Variants in EPB41L3 observed in about 807,000 individuals in gnomAD.
The protein encoded by EPB41L3 is erythrocyte membrane protein band 4.1 like 3, also known as band 4.1-like protein 3.
A neutral mutation model predicts 127.1 loss-of-function variants in EPB41L3; 57 were observed. The observed-to-expected ratio is 0.45, with a 90% CI of 0.36 to 0.56. The LOEUF is 0.56. Ranked by LOEUF, EPB41L3 falls within the 20% of genes least tolerant of loss-of-function variation. The probability of loss-of-function intolerance (pLI) is 0.00; values close to 1 mark genes in which losing one functional copy is unlikely to be tolerated. For missense variants in EPB41L3, 1,273 were observed against 1,372.2 expected (o/e 0.93, Z 1.14); for synonymous variants, 572 against 549.5 (o/e 1.04, Z -0.57).
chr18:5,594,593 T>A (rs375697242), intron 3 of EPB41L3, among the ~76,000 whole-genome samples: 17 of 152,222 alleles, frequency 1.1e-4, no homozygotes, highest in African/African-American at 3.4e-4. Flanking sequence ...AGATTGTGTA[T>A]CTTCCAGCTT....
intron 3 of EPB41L3, among the ~76,000 whole-genome samples, chr18:5,604,465 C>CT (rs763224947): frequency 5.8e-4 from 88 of 151,868 alleles, no homozygotes; most frequent in East Asian, 5.2e-3. Flanking sequence ...ATTTCTTTCT[C>CT]TTTTTTTTGA....
intron 11 of EPB41L3, 27 bp downstream of exon 11, chr18:5,423,351 T>A (rs760604859): frequency 6.3e-7 from 1 of 1,578,496 alleles, no homozygotes; most frequent in Middle Eastern, 1.7e-4. Flanking sequence ...GGTACTAGGT[T>A]ATTAAGGGCC....
intron 16 of EPB41L3, chr18:5,398,500 C>T (rs1245493053): frequency 5.0e-6 from 2 of 402,236 alleles, no homozygotes; most frequent in African/African-American, 4.1e-5. Flanking sequence ...ATTGATTTAA[C>T]CATGAAAAAA....
intron 3 of EPB41L3, among the ~76,000 whole-genome samples, chr18:5,585,981 AC>A: frequency 6.6e-6 from 1 of 151,670 alleles, no homozygotes; most frequent in Non-Finnish European, 1.5e-5. Flanking sequence ...TAACACTATT[AC>A]CTCCCCTTAC....
At chr18:5,448,868 G>T (rs1244093345) in intron 3 of EPB41L3, among the ~76,000 whole-genome samples, 1 of 152,154 alleles carries the variant, frequency 6.6e-6, no homozygotes, top group Non-Finnish European at 1.5e-5. Flanking sequence ...TGGACATACT[G>T]AGTCCAACAA....
At chr18:5,398,812 G>A (rs765113069) in intron 16 of EPB41L3, 93 of 399,324 alleles carry the variant, frequency 2.3e-4, no homozygotes, top group Admixed American at 7.9e-4. Context: ...TTGCTGAAGC[G>A]TCTGCCTTCC....
At chr18:5,562,434 A>G (rs2094146184) in intron 3 of EPB41L3, among the ~76,000 whole-genome samples, 1 of 152,212 alleles carries the variant, frequency 6.6e-6, no homozygotes, top group South Asian at 2.1e-4. Context: ...AGAAAAGAGA[A>G]GCATTAGTCA....
chr18:5,452,279 T>C (rs1276179069), intron 3 of EPB41L3, among the ~76,000 whole-genome samples: 1 of 152,236 alleles, frequency 6.6e-6, no homozygotes, highest in East Asian at 1.9e-4. Context: ...TTTTACTTTT[T>C]TGGGAGGAAG....
intron 3 of EPB41L3, among the ~76,000 whole-genome samples, chr18:5,557,469 C>T (rs1377434796): frequency 7.9e-5 from 12 of 152,176 alleles, no homozygotes. Context: ...CCCCAACCCT[C>T]CGCCTCCCAG....
intron 9 of EPB41L3, among the ~76,000 whole-genome samples, chr18:5,425,644 C>A (rs552955455): frequency 3.9e-5 from 6 of 152,060 alleles, no homozygotes; most frequent in Non-Finnish European, 7.4e-5. Flanking sequence ...TGTTTTATAT[C>A]AATTTCTTTC....
At chr18:5,575,048 A>G (rs1014464005) in intron 3 of EPB41L3, among the ~76,000 whole-genome samples, 2 of 152,164 alleles carry the variant, frequency 1.3e-5, no homozygotes, top group African/African-American at 2.4e-5. Context: ...GGATATGAGC[A>G]TGTGCCCACT....
intron 3 of EPB41L3, among the ~76,000 whole-genome samples, chr18:5,550,862 T>G: frequency 6.6e-6 from 1 of 152,296 alleles, no homozygotes; most frequent in South Asian, 2.1e-4. Context: ...CCCCAACAAC[T>G]TCTCAATTAT....
chr18:5,535,590 G>A (rs1454754465), intron 1 of EPB41L3, among the ~76,000 whole-genome samples: 4 of 152,092 alleles, frequency 2.6e-5, no homozygotes, highest in African/African-American at 7.2e-5. Flanking sequence ...AAAAAATTAC[G>A]TAGAAATATG....
rs564060834 is a variant in EPB41L3, at chr18:5,561,129, C to T, written c.-306+51211G>A. On this transcript the variant is annotated intron_variant, in intron 3 of 21. Transcript: ENST00000545076. ...AGTAGCTGGGACTACAGGCGCCCGCCACTACGCCCGGCTAATGTCTTGTAT... is the reference window on the plus strand; with the variant it reads ...AGTAGCTGGGACTACAGGCGCCCGCTACTACGCCCGGCTAATGTCTTGTAT... 7.5e-4 allele frequency among the ~76,000 whole-genome samples: 113 copies of T among 150,166 alleles called. 3 individuals carry two copies. Among genetic ancestry groups the T allele is most frequent in the African/African-American group, 1.3e-3 (55 of 40,952 alleles).
chr18:5,428,355 T>C lies in EPB41L3; in HGVS notation c.1023A>G (p.Ser341=), dbSNP rs771385889. The change falls in exon 9 of 23, where the codon TCA becomes TCG. Residue 341 remains serine, a synonymous_variant. Transcript: ENST00000341928. ...RFAWPKVLKI[S]YKRNNFYIKI... is the part of the protein sequence containing the mutation. Reference sequence around the variant, plus strand: ...TAATGTAAAAGTTGTTCCGTTTGTATGAAATCTTTAGAACCTTGGGCCAGG... The same window carrying C: ...TAATGTAAAAGTTGTTCCGTTTGTACGAAATCTTTAGAACCTTGGGCCAGG... 5.0e-6 allele frequency: 8 copies of C among 1,614,228 alleles called. No individual in the cohort carries two copies. Among genetic ancestry groups the C allele is most frequent in the South Asian group, 1.1e-5 (1 of 91,082 alleles).
intron 1 of EPB41L3, among the ~76,000 whole-genome samples, chr18:5,541,279 T>TAAAAAAAAAAAA (rs2093723780): frequency 1.4e-5 from 1 of 73,822 alleles, no homozygotes. Context: ...AAAAAAAAAG[T>TAAAAAAAAAAAA]CTCTCTCTTC....
chr18:5,615,166 G>A (rs2094778390), intron 1 of EPB41L3, among the ~76,000 whole-genome samples: 1 of 151,930 alleles, frequency 6.6e-6, no homozygotes, highest in African/African-American at 2.4e-5. Context: ...GAAAAAAAAA[G>A]CACAAAATTG....
intron 3 of EPB41L3, among the ~76,000 whole-genome samples, chr18:5,561,638 T>A (rs1324078296): frequency 6.6e-6 from 1 of 152,160 alleles, no homozygotes; most frequent in Non-Finnish European, 1.5e-5. Flanking sequence ...CAGTAATAAT[T>A]GCTACAGAGA....
At position 5,434,117 on chromosome 18, in the gene EPB41L3, A is replaced by C; in HGVS notation, c.610T>G (p.Tyr204Asp). The C allele has an allele frequency of 6.2e-7, 1 of 1,613,916 alleles. No individual in the cohort carries two copies. Among genetic ancestry groups the C allele is most frequent in the Non-Finnish European group, 8.5e-7 (1 of 1,179,836 alleles). ...AQLSEDITRY[Y>D]LCLQLRDDIV... ...TCATCTCGCAACTGCAAGCAGAGGTAGTACCTTCCAGGAACCAAAAGCACA... is the reference window on the plus strand; with the variant it reads ...TCATCTCGCAACTGCAAGCAGAGGTCGTACCTTCCAGGAACCAAAAGCACA... The change falls in exon 7 of 23, where the codon TAC becomes GAC. Residue 204 changes from tyrosine to aspartate, a missense_variant. Coordinates refer to ENST00000341928, the MANE Select transcript of EPB41L3 (RefSeq NM_012307.5).
Sources: allele counts gnomAD v4.1 joint callset (sites outside exome capture counted in the v4.1 genomes callset), GRCh38; gene constraint gnomAD v4.1.1; transcripts MANE v1.5; gene names NCBI Gene and HGNC (gene_info 2026-07-23, HGNC 2026-07-21).